ARFGAP3: variants seen among roughly 807,000 people sequenced by gnomAD.
The protein encoded by ARFGAP3 is ADP-ribosylation factor GTPase-activating protein 3.
Under a neutral mutation model 75.0 loss-of-function variants are expected in ARFGAP3, and 72 were observed. The observed-to-expected ratio is 0.96, with a 90% CI of 0.79 to 1.17. The LOEUF is 1.17. ARFGAP3 is among the 50% of genes most tolerant of loss of function. ARFGAP3 has a pLI of 0.00. For synonymous variants in ARFGAP3, 221 were observed against 217.9 expected (o/e 1.01, Z -0.13); for missense variants, 620 against 626.6 (o/e 0.99, Z 0.11).
At chr22:42,851,872 C>T (rs781119508) in intron 1 of ARFGAP3, among the ~76,000 whole-genome samples, 1 of 152,146 alleles carries the variant, frequency 6.6e-6, no homozygotes, top group Non-Finnish European at 1.5e-5. Flanking sequence ...AATTCAGGCA[C>T]TATTGTTGGC....
chr22:42,838,321 A>G (rs958982193), intron 3 of ARFGAP3, among the ~76,000 whole-genome samples: 9 of 143,620 alleles, frequency 6.3e-5, no homozygotes, highest in Non-Finnish European at 1.4e-4. Context: ...TTTCTGAGAC[A>G]GGGTCTTGCT....
intron 10 of ARFGAP3, 133 bp downstream of exon 10, chr22:42,817,596 C>A (rs941096882): frequency 3.5e-6 from 3 of 859,938 alleles, no homozygotes; most frequent in African/African-American, 3.5e-5. Flanking sequence ...CAGAGCAAAG[C>A]AAAAATAATT....
chr22:42,828,909 C>G (rs1226880732), intron 6 of ARFGAP3, among the ~76,000 whole-genome samples: 1 of 152,006 alleles, frequency 6.6e-6, no homozygotes, highest in Non-Finnish European at 1.5e-5. Flanking sequence ...GGCCTTGAAC[C>G]CCTGGCCTCT....
chr22:42,849,537 G>C (rs530213609), intron 1 of ARFGAP3, among the ~76,000 whole-genome samples: 1 of 147,856 alleles, frequency 6.8e-6, no homozygotes, highest in Non-Finnish European at 1.5e-5. Context: ...GCAGTGGCAC[G>C]GTCCTAGCTC....
chr22:42,817,764 T>C lies in ARFGAP3; in HGVS notation c.906A>G (p.Ser302=), dbSNP rs967990457. ...TTCCAAATCCCATGCCGAGTCTGTC[T>C]GAGTCAACATTTTTTTTGCCACTAA... The part of the protein sequence containing the change: ...MNISGKKNVD[S]DRLGMGFGNC... Residue 302 remains serine, a synonymous_variant, in exon 10 of 16, where the codon TCA becomes TCG. Coordinates refer to ENST00000263245, the MANE Select transcript of ARFGAP3 (RefSeq NM_014570.5). 1 of 1,613,436 alleles carries C rather than the reference T, an allele frequency of 6.2e-7. No individual in the cohort carries two copies. The highest frequency in any genetic ancestry group is 1.3e-5 in the African/African-American group (1 of 74,912).
At chr22:42,827,116 C>T in intron 6 of ARFGAP3, 117 bp from the exon 7 acceptor site, 2 of 1,422,784 alleles carry the variant, frequency 1.4e-6, no homozygotes, top group Non-Finnish European at 9.2e-7. Flanking sequence ...TCAATGATCA[C>T]CTACCTTTTT....
chr22:42,825,625 C>T (rs532914176), intron 7 of ARFGAP3, among the ~76,000 whole-genome samples: 28 of 148,678 alleles, frequency 1.9e-4, no homozygotes, highest in Admixed American at 4.8e-4. Flanking sequence ...GCAGAGGTTG[C>T]AGTGAGCTGA....
intron 3 of ARFGAP3, among the ~76,000 whole-genome samples, chr22:42,836,903 A>G (rs1026685511): frequency 1.3e-5 from 2 of 152,182 alleles, no homozygotes; most frequent in African/African-American, 4.8e-5. Context: ...CAAGGGACAG[A>G]GTTAGGATTC....
chr22:42,798,651 A>G (rs769805951), intron 15 of ARFGAP3, among the ~76,000 whole-genome samples: 34 of 152,278 alleles, frequency 2.2e-4, no homozygotes, highest in Admixed American at 3.3e-4. Context: ...ATAGATATGT[A>G]TATCTTTTTA....
chr22:42,797,812 C>T (rs1051356715), intron 15 of ARFGAP3: 1 of 886,550 alleles, frequency 1.1e-6, no homozygotes, highest in South Asian at 5.2e-5. Context: ...CAGAACCCAA[C>T]AGGATTCACA....
rs533698723 is a variant in ARFGAP3 at position 42,823,756 on chromosome 22, T to A, written c.626-54A>T. 2.1e-6 allele frequency: 3 copies of A among 1,415,884 alleles called. No individual in the cohort carries two copies. The Admixed American group carries it at 7.5e-5, about 35-fold the overall frequency. 87.7% of individuals were successfully genotyped at this position (1,415,884 alleles called of 1,614,324 possible). A position where few individuals can be genotyped will look rare whatever the true frequency, so the allele number is the denominator to read the frequency against. On this transcript the variant is annotated intron_variant, in intron 7 of 15. Coordinates refer to ENST00000263245, the MANE Select transcript of ARFGAP3 (RefSeq NM_014570.5). ...GACCAATAGAAATAATTTTTCTTTT[T>A]TAGTGTGTCTTTTAAAATTCTAAGA...
At chr22:42,805,053 G>T (rs1379561130) in intron 14 of ARFGAP3, among the ~76,000 whole-genome samples, 3 of 152,138 alleles carry the variant, frequency 2.0e-5, no homozygotes, top group Admixed American at 2.0e-4. Flanking sequence ...TTTGCTCAAG[G>T]CCCGGAGTTT....
In ARFGAP3 at chr22:42,817,363, G is replaced by A. The variant is rs113178513; in HGVS notation, c.942-99C>T. The A allele has an allele frequency of 1.8e-3, 2,598 of 1,450,126 alleles. 60 individuals are homozygous for A. The African/African-American group carries it at 0.034, about 19-fold the overall frequency. The allele number at this position is 1,450,126 out of a possible 1,614,324, so 89.8% of individuals were successfully genotyped here. A position where few individuals can be genotyped will look rare whatever the true frequency, so the allele number is the denominator to read the frequency against. On this transcript the variant is annotated intron_variant, in intron 10 of 15. Transcript: ENST00000263245. ...ATTTATGTTTTGAACAAAGACAAAT[G>A]TATTCGAGGGGTTAAAAACATAAGC...
chr22:42,838,763 T>C (rs923622933), intron 3 of ARFGAP3, among the ~76,000 whole-genome samples: 10 of 152,148 alleles, frequency 6.6e-5, no homozygotes, highest in African/African-American at 2.4e-4. Flanking sequence ...GCCAGTTCAG[T>C]GTTTGAGATA....
chr22:42,822,746 G>A (rs1231753606), intron 8 of ARFGAP3, among the ~76,000 whole-genome samples: 1 of 152,134 alleles, frequency 6.6e-6, no homozygotes, highest in African/African-American at 2.4e-5. Flanking sequence ...TAAATGCTAT[G>A]AAAATAGTTA....
chr22:42,849,383 T>G (rs1316380220), intron 1 of ARFGAP3, among the ~76,000 whole-genome samples: 3 of 152,180 alleles, frequency 2.0e-5, no homozygotes, highest in Non-Finnish European at 4.4e-5. Flanking sequence ...TAGATGCAGG[T>G]TCATAACCGA....
At chr22:42,808,717 A>T in intron 13 of ARFGAP3, 50 bp downstream of exon 13, 2 of 1,452,824 alleles carry the variant, frequency 1.4e-6, no homozygotes, top group Non-Finnish European at 1.9e-6. Flanking sequence ...CCACACCCAC[A>T]CTTCCTTCCT....
At chr22:42,843,315 G>C (rs1397761679) in intron 2 of ARFGAP3, among the ~76,000 whole-genome samples, 1 of 152,192 alleles carries the variant, frequency 6.6e-6, no homozygotes, top group Non-Finnish European at 1.5e-5. Flanking sequence ...CATACAAAAA[G>C]TCGCTACAAA....
chr22:42,826,619 C>T (rs906119612), intron 7 of ARFGAP3, among the ~76,000 whole-genome samples: 5 of 151,918 alleles, frequency 3.3e-5, no homozygotes, highest in Non-Finnish European at 7.4e-5. Context: ...AAGCTGGTCT[C>T]GAACTCCTGG....
Sources: allele counts gnomAD v4.1 joint callset (sites outside exome capture counted in the v4.1 genomes callset), GRCh38; gene constraint gnomAD v4.1.1; transcripts MANE v1.5; gene names NCBI Gene and HGNC (gene_info 2026-07-23, HGNC 2026-07-21).